SORCS3: variants seen among roughly 807,000 people sequenced by gnomAD.
The protein encoded by SORCS3 is VPS10 domain-containing receptor SorCS3.
A neutral mutation model predicts 146.3 loss-of-function variants in SORCS3; 57 were observed. The ratio of observed to expected loss-of-function variants is 0.39; its 90% CI spans 0.31 to 0.49. SORCS3 has a LOEUF of 0.49. Ranked by LOEUF, SORCS3 falls within the 20% of genes least tolerant of loss-of-function variation. The probability of loss-of-function intolerance (pLI) is 0.92; values close to 1 mark genes in which losing one functional copy is unlikely to be tolerated. For synonymous variants in SORCS3, 653 were observed against 618.5 expected (o/e 1.06, Z -0.83); for missense variants, 1,341 against 1,575.5 (o/e 0.85, Z 2.52).
At chr10:104,877,030 T>C (rs964681740) in intron 2 of SORCS3, among the ~76,000 whole-genome samples, 2 of 152,014 alleles carry the variant, frequency 1.3e-5, no homozygotes, top group Non-Finnish European at 2.9e-5. Context: ...TTTTCCTTTT[T>C]TTTGGAGACA....
At chr10:105,010,672 C>G (rs1395807198) in intron 4 of SORCS3, among the ~76,000 whole-genome samples, 2 of 151,848 alleles carry the variant, frequency 1.3e-5, no homozygotes, top group Non-Finnish European at 2.9e-5. Flanking sequence ...ATACATCACA[C>G]AGTGAAGTGC....
At chr10:104,829,490 G>T (rs1349638074) in intron 1 of SORCS3, among the ~76,000 whole-genome samples, 2 of 152,138 alleles carry the variant, frequency 1.3e-5, no homozygotes, top group African/African-American at 4.8e-5. Flanking sequence ...AGGAGAAGGG[G>T]TATTCTAGTA....
intron 1 of SORCS3, among the ~76,000 whole-genome samples, chr10:104,802,781 G>A (rs2017638221): frequency 6.6e-6 from 1 of 152,230 alleles, no homozygotes; most frequent in African/African-American, 2.4e-5. Flanking sequence ...AGATCTTGGA[G>A]AGAGAGCATA....
intron 1 of SORCS3, among the ~76,000 whole-genome samples, chr10:104,799,827 C>G (rs1386066133): frequency 1.3e-5 from 2 of 151,942 alleles, no homozygotes; most frequent in East Asian, 1.9e-4. Flanking sequence ...AGGTGCCCAC[C>G]ACCACGCCTG....
At chr10:104,965,806 C>A (rs2054823270) in intron 3 of SORCS3, among the ~76,000 whole-genome samples, 1 of 151,470 alleles carries the variant, frequency 6.6e-6, no homozygotes, top group Non-Finnish European at 1.5e-5. Context: ...AATTTTTTTT[C>A]TTGAATAGCC....
Position 105,044,531 on chromosome 10 carries a change from G to C in SORCS3, c.1028+1403G>C, listed in dbSNP as rs115075400. On this transcript the variant is annotated intron_variant, in intron 5 of 26. Coordinates refer to ENST00000369701, the MANE Select transcript of SORCS3 (RefSeq NM_014978.3). Reference sequence around the variant, plus strand: ...TACACAACTTAGGGATGTGCTGTGTGTGTGTTGAAGATGGTGGTAACAAAT... The same window carrying C: ...TACACAACTTAGGGATGTGCTGTGTCTGTGTTGAAGATGGTGGTAACAAAT... Among the ~76,000 whole-genome samples, 1,073 of 152,256 alleles carry C rather than the reference G, an allele frequency of 7.0e-3. 17 individuals are homozygous for C. The highest frequency in any genetic ancestry group is 0.024 in the African/African-American group (1,017 of 41,552).
At chr10:105,134,536 G>T (rs1007482431) in intron 7 of SORCS3, among the ~76,000 whole-genome samples, 9 of 144,442 alleles carry the variant, frequency 6.2e-5, no homozygotes, top group Non-Finnish European at 1.2e-4. Context: ...CATGGCAGAA[G>T]GATAGAAGGG....
At chr10:104,934,914 A>G (rs890784787) in intron 3 of SORCS3, among the ~76,000 whole-genome samples, 2 of 152,226 alleles carry the variant, frequency 1.3e-5, no homozygotes, top group African/African-American at 2.4e-5. Flanking sequence ...GCAGTGAGTT[A>G]TAGTACATGC....
chr10:104,990,291 T>C (rs990933728), intron 4 of SORCS3, among the ~76,000 whole-genome samples: 3 of 152,258 alleles, frequency 2.0e-5, no homozygotes, highest in African/African-American at 7.2e-5. Context: ...GCCCACAAAG[T>C]TGGCCAGCTT....
At chr10:105,066,724 T>C (rs7090949) in intron 5 of SORCS3, among the ~76,000 whole-genome samples, 48,584 of 151,984 alleles carry the variant, frequency 0.32, 9,880 homozygotes, top group African/African-American at 0.57. Context: ...TGGTGTTGTT[T>C]TCTAATTGGC....
chr10:105,008,206 C>T (rs1018813203), intron 4 of SORCS3, among the ~76,000 whole-genome samples: 5 of 152,136 alleles, frequency 3.3e-5, no homozygotes, highest in African/African-American at 4.8e-5. Flanking sequence ...TTATAACCAC[C>T]CCATTTTGCA....
chr10:105,241,789 T>C (rs879787293), intron 20 of SORCS3, among the ~76,000 whole-genome samples: 2 of 152,134 alleles, frequency 1.3e-5, no homozygotes, highest in Non-Finnish European at 2.9e-5. Flanking sequence ...GGGGTCTTTA[T>C]AGGCACAGGA....
intron 20 of SORCS3, among the ~76,000 whole-genome samples, chr10:105,235,347 T>G (rs987450558): frequency 6.6e-6 from 1 of 152,000 alleles, no homozygotes; most frequent in East Asian, 1.9e-4. Flanking sequence ...CTTTAACATT[T>G]GTTGGGAGTA....
At chr10:104,774,592 T>C in intron 1 of SORCS3, among the ~76,000 whole-genome samples, 1 of 152,132 alleles carries the variant, frequency 6.6e-6, no homozygotes, top group East Asian at 1.9e-4. Flanking sequence ...TGACTCCCAA[T>C]TACCTGACAA....
intron 3 of SORCS3, among the ~76,000 whole-genome samples, chr10:104,943,365 A>G (rs981957058): frequency 1.3e-4 from 20 of 152,192 alleles, no homozygotes; most frequent in African/African-American, 4.6e-4. Context: ...AGCTAAGGCA[A>G]TCCACCTGCC....
chr10:104,972,544 G>A (rs1018229039), intron 3 of SORCS3, among the ~76,000 whole-genome samples: 1 of 152,138 alleles, frequency 6.6e-6, no homozygotes, highest in Non-Finnish European at 1.5e-5. Flanking sequence ...GCATGGCAGT[G>A]GGGGAGGGAG....
chr10:105,036,447 A>G (rs2055307281), intron 4 of SORCS3, among the ~76,000 whole-genome samples: 1 of 152,148 alleles, frequency 6.6e-6, no homozygotes, highest in Non-Finnish European at 1.5e-5. Flanking sequence ...TGAGCCTTGC[A>G]CATGCTGGGT....
chr10:104,881,847 A>G (rs1265693969), intron 2 of SORCS3, among the ~76,000 whole-genome samples: 3 of 152,116 alleles, frequency 2.0e-5, no homozygotes, highest in Non-Finnish European at 4.4e-5. Context: ...AAGCCACTTT[A>G]CTCTCTGGGC....
chr10:104,896,326 A>G (rs2018797437), intron 2 of SORCS3, among the ~76,000 whole-genome samples: 3 of 152,202 alleles, frequency 2.0e-5, no homozygotes, highest in Admixed American at 1.3e-4. Flanking sequence ...CTTAATAAAG[A>G]ATCACAATAT....
Sources: allele counts gnomAD v4.1 joint callset (sites outside exome capture counted in the v4.1 genomes callset), GRCh38; gene constraint gnomAD v4.1.1; transcripts MANE v1.5; gene names NCBI Gene and HGNC (gene_info 2026-07-23, HGNC 2026-07-21).